The following RORA variants were observed in gnomAD, a reference collection of about 807,000 sequenced individuals.
The protein encoded by RORA is nuclear receptor ROR-alpha.
Under a neutral mutation model 69.5 loss-of-function variants are expected in RORA, and 7 were observed. That is an observed-to-expected ratio of 0.10 (90% CI 0.06 to 0.19). RORA has a LOEUF of 0.19. RORA is among the 10% of genes least tolerant of loss of function. The pLI is 1.00. For missense variants in RORA, 457 were observed against 663.0 expected, an observed-to-expected ratio of 0.69 and a Z score of 3.41; for synonymous variants, 261 against 240.8, an observed-to-expected ratio of 1.08 and a Z score of -0.78.
At chr15:60,775,193 G>C (rs2072143839) in intron 1 of RORA, among the ~76,000 whole-genome samples, 1 of 152,058 alleles carries the variant, frequency 6.6e-6, no homozygotes, top group Non-Finnish European at 1.5e-5. Context: ...ACTCTAAATG[G>C]ATGGGTTTTC....
At chr15:60,714,060 T>G (rs895499848) in intron 1 of RORA, among the ~76,000 whole-genome samples, 1 of 149,034 alleles carries the variant, frequency 6.7e-6, no homozygotes, top group African/African-American at 2.5e-5. Context: ...CTCTCTCTCT[T>G]TTTTTTTTTT....
rs2079097879 is a variant in RORA, at chr15:61,120,983, G to C, written c.166+108070C>G. On this transcript the variant is annotated intron_variant, in intron 1 of 10. Transcript: ENST00000335670. The stretch of plus-strand genomic sequence containing the variant: ...CTGTCTCAGCTTCCCCAGTAGCTGG[G>C]ATTACAGGCGCCTGCCACCACACCC... 2.6e-5 allele frequency among the ~76,000 whole-genome samples: 4 copies of C among 151,808 alleles called. No homozygotes were observed. The South Asian group carries it at 8.3e-4, about 32-fold the overall frequency.
At chr15:60,835,460 A>C (rs570196221) in intron 1 of RORA, among the ~76,000 whole-genome samples, 17 of 152,218 alleles carry the variant, frequency 1.1e-4, no homozygotes, top group African/African-American at 3.9e-4. Flanking sequence ...CAGAAACACC[A>C]TCAGCTCTCT....
intron 3 of RORA, among the ~76,000 whole-genome samples, chr15:60,526,256 C>T (rs146523570): frequency 3.9e-5 from 6 of 152,266 alleles, no homozygotes; most frequent in Admixed American, 2.0e-4. Context: ...AAGCTGCCCA[C>T]GTGTCATATT....
At chr15:60,870,174 C>T (rs1034256806) in intron 1 of RORA, among the ~76,000 whole-genome samples, 4 of 152,176 alleles carry the variant, frequency 2.6e-5, no homozygotes, top group Admixed American at 2.6e-4. Context: ...GCTACAGAAA[C>T]CAGGTGCTAT....
chr15:61,185,237 G>C (rs747445319), intron 1 of RORA, among the ~76,000 whole-genome samples: 13 of 152,006 alleles, frequency 8.6e-5, no homozygotes, highest in Non-Finnish European at 1.8e-4. Flanking sequence ...GTGATTATCT[G>C]CTGACACTCT....
At chr15:60,999,155 A>C (rs1024616935) in intron 1 of RORA, among the ~76,000 whole-genome samples, 3 of 152,202 alleles carry the variant, frequency 2.0e-5, no homozygotes, top group Non-Finnish European at 2.9e-5. Flanking sequence ...TTTGAAATTA[A>C]ATCTTCTGTG....
chr15:60,920,339 C>T (rs1052662522), intron 1 of RORA, among the ~76,000 whole-genome samples: 2 of 152,168 alleles, frequency 1.3e-5, no homozygotes, highest in African/African-American at 4.8e-5. Context: ...AAGAAGCAGA[C>T]TCAGAATTAA....
At chr15:61,090,898 TTA>T (rs1375313981) in intron 1 of RORA, among the ~76,000 whole-genome samples, 1 of 152,004 alleles carries the variant, frequency 6.6e-6, no homozygotes, top group African/African-American at 2.4e-5. Context: ...ACGCAGTCAT[TTA>T]TGAGTCTCAG....
chr15:60,846,242 AG>A (rs1200682399), intron 1 of RORA, among the ~76,000 whole-genome samples: 1 of 152,220 alleles, frequency 6.6e-6, no homozygotes, highest in African/African-American at 2.4e-5. Context: ...ACTCGCTTCC[AG>A]GTCAGAACCA....
chr15:60,884,639 G>A (rs11635468), intron 1 of RORA, among the ~76,000 whole-genome samples: 29,631 of 152,194 alleles, frequency 0.19, 3,696 homozygotes, highest in Non-Finnish European at 0.28. Flanking sequence ...GGGCCCCACA[G>A]TAACTGTCAT....
chr15:60,763,537 G>A (rs1449565515), intron 1 of RORA, among the ~76,000 whole-genome samples: 1 of 152,158 alleles, frequency 6.6e-6, no homozygotes, highest in African/African-American at 2.4e-5. Context: ...GTTCGCTGCT[G>A]CCAGCCTTCC....
At chr15:60,639,523 T>A (rs886310679) in intron 2 of RORA, among the ~76,000 whole-genome samples, 1 of 152,166 alleles carries the variant, frequency 6.6e-6, no homozygotes, top group Non-Finnish European at 1.5e-5. Context: ...GGGGAAAATT[T>A]CCTTCCGCTC....
chr15:60,705,974 T>C (rs921096916), intron 1 of RORA, among the ~76,000 whole-genome samples: 2 of 152,196 alleles, frequency 1.3e-5, no homozygotes, highest in South Asian at 2.1e-4. Context: ...GCAGGTATTA[T>C]GAAGGTTCAT....
intron 1 of RORA, among the ~76,000 whole-genome samples, chr15:60,951,465 C>A (rs369026554): frequency 6.6e-6 from 1 of 150,972 alleles, no homozygotes; most frequent in Non-Finnish European, 1.5e-5. Flanking sequence ...GAAACAGAGA[C>A]ACAAAAAACC....
rs963530812 is a variant in RORA, at chr15:60,492,718, C to T, written c.*4737G>A. On this transcript the variant is annotated 3_prime_UTR_variant, in exon 11 of 11. Transcript: ENST00000335670. ...CAAGGACTATACTTTGAATGATGCT[C>T]TTTGCTGGTACATTATTAATTTATC... 1.3e-5 allele frequency: 2 copies of T among 152,098 alleles called. No individual in the cohort carries two copies. The highest frequency in any genetic ancestry group is 4.8e-5 in the African/African-American group (2 of 41,420). 9.4% of individuals were successfully genotyped at this position (152,098 alleles called of 1,614,324 possible).
At chr15:60,700,761 G>T (rs1242434004) in intron 1 of RORA, among the ~76,000 whole-genome samples, 1 of 152,042 alleles carries the variant, frequency 6.6e-6, no homozygotes, top group Admixed American at 6.6e-5. Flanking sequence ...CTTCTTCTAG[G>T]GATGCTCTTT....
intron 2 of RORA, among the ~76,000 whole-genome samples, chr15:60,635,059 G>A (rs1401316661): frequency 1.3e-5 from 2 of 152,154 alleles, no homozygotes; most frequent in Non-Finnish European, 2.9e-5. Flanking sequence ...CACGGAGCAC[G>A]GCCTGCCCCT....
intron 1 of RORA, among the ~76,000 whole-genome samples, chr15:60,722,776 G>A (rs1407980184): frequency 6.6e-6 from 1 of 152,192 alleles, no homozygotes; most frequent in Non-Finnish European, 1.5e-5. Context: ...CACAACCTTG[G>A]CCAGTGGAGA....
Sources: allele counts gnomAD v4.1 joint callset (sites outside exome capture counted in the v4.1 genomes callset), GRCh38; gene constraint gnomAD v4.1.1; transcripts MANE v1.5; gene names NCBI Gene and HGNC (gene_info 2026-07-23, HGNC 2026-07-21).